CNTRL: variants seen among roughly 807,000 people sequenced by gnomAD.
CNTRL encodes the protein 110 kDa centrosomal protein.
CNTRL carries 233 observed loss-of-function variants against 303.7 expected under a neutral mutation model. The observed-to-expected ratio is 0.77, with a 90% CI of 0.69 to 0.86. The LOEUF is 0.86. Ranked by LOEUF, CNTRL falls within the 40% of genes least tolerant of loss-of-function variation. The pLI is 0.00. For missense variants in CNTRL, 2,524 were observed against 2,650.6 expected, an observed-to-expected ratio of 0.95 and a Z score of 1.05; for synonymous variants, 900 against 922.2, an observed-to-expected ratio of 0.98 and a Z score of 0.44.
chr9:121,174,642 T>G (rs1043236665), intron 42 of CNTRL, among the ~76,000 whole-genome samples: 2 of 152,070 alleles, frequency 1.3e-5, no homozygotes, highest in African/African-American at 4.8e-5. Flanking sequence ...AAACTAAGAC[T>G]TAGGAAAAAA....
intron 42 of CNTRL, 137 bp from the exon 43 acceptor site, chr9:121,174,881 C>A: frequency 2.6e-6 from 2 of 761,502 alleles, no homozygotes; most frequent in East Asian, 2.5e-5. Flanking sequence ...TCCTACAATT[C>A]TTTTTAAAGA....
intron 12 of CNTRL, among the ~76,000 whole-genome samples, chr9:121,119,670 A>G (rs2050144591): frequency 4.6e-5 from 7 of 151,020 alleles, no homozygotes; most frequent in Admixed American, 4.0e-4. Flanking sequence ...TAATTTTTGT[A>G]TTTTTGGTAG....
intron 4 of CNTRL, among the ~76,000 whole-genome samples, chr9:121,091,382 TA>T (rs2048563576): frequency 6.6e-6 from 1 of 152,168 alleles, no homozygotes; most frequent in Non-Finnish European, 1.5e-5. Flanking sequence ...AGAAATGCTA[TA>T]AAAGTATTAG....
intron 12 of CNTRL, among the ~76,000 whole-genome samples, chr9:121,121,365 C>G (rs1461463031): frequency 1.3e-5 from 2 of 152,046 alleles, no homozygotes; most frequent in Non-Finnish European, 2.9e-5. Flanking sequence ...AGAGGTGGAG[C>G]CCTTGCTTAT....
chr9:121,172,857 G>A (rs563333318), intron 40 of CNTRL, among the ~76,000 whole-genome samples: 3 of 152,258 alleles, frequency 2.0e-5, no homozygotes, highest in African/African-American at 7.2e-5. Flanking sequence ...CTGAGCAGAA[G>A]GTATTTATCT....
rs554085072 is a variant in CNTRL at position 121,086,524 on chromosome 9, A to G, written c.-31-1772A>G. 3.3e-5 allele frequency among the ~76,000 whole-genome samples: 5 copies of G among 152,218 alleles called. No individual in the cohort carries two copies. The South Asian group carries it at 8.3e-4, about 25-fold the overall frequency. On this transcript the variant is annotated intron_variant, in intron 2 of 43. Transcript: ENST00000373855. Reference sequence around the variant, plus strand: ...GAGGCCAGTGTGACTGGAGCCCACAATTGAGGGAACGAATGACAGAGGTGA... The same window carrying G: ...GAGGCCAGTGTGACTGGAGCCCACAGTTGAGGGAACGAATGACAGAGGTGA...
At chr9:121,100,588 G>A (rs1187881849) in intron 7 of CNTRL, among the ~76,000 whole-genome samples, 2 of 152,152 alleles carry the variant, frequency 1.3e-5, no homozygotes, top group Non-Finnish European at 2.9e-5. Flanking sequence ...TGGGCTAAAT[G>A]CCCCCAATTA....
chr9:121,159,156 T>C, intron 31 of CNTRL, 137 bp downstream of exon 31: 2 of 845,714 alleles, frequency 2.4e-6, no homozygotes, highest in Non-Finnish European at 1.8e-6. Context: ...CAGTTTGGTG[T>C]TGTTACATAT....
At chr9:121,140,407 G>C (rs180863704) in intron 16 of CNTRL, among the ~76,000 whole-genome samples, 51 of 152,328 alleles carry the variant, frequency 3.3e-4, no homozygotes, top group Admixed American at 2.5e-3. Context: ...GAGGACTCCA[G>C]ATGGAACAGG....
intron 12 of CNTRL, among the ~76,000 whole-genome samples, chr9:121,123,524 A>G (rs1311647276): frequency 6.6e-6 from 1 of 152,190 alleles, no homozygotes; most frequent in Non-Finnish European, 1.5e-5. Flanking sequence ...GCTTGAACCC[A>G]GGAGGCGGAG....
At chr9:121,108,211 G>T (rs944754761) in intron 8 of CNTRL, among the ~76,000 whole-genome samples, 1 of 152,160 alleles carries the variant, frequency 6.6e-6, no homozygotes, top group Non-Finnish European at 1.5e-5. Flanking sequence ...TGTACTCCTA[G>T]ATATTTGTAT....
intron 37 of CNTRL, 116 bp downstream of exon 37, chr9:121,167,793 A>T (rs2053153638): frequency 2.2e-6 from 2 of 896,666 alleles, no homozygotes; most frequent in Admixed American, 5.2e-5. Context: ...GTGTCCCTTA[A>T]CTGCCCTGTG....
Position 121,102,271 on chromosome 9 carries a change from A to G in CNTRL, c.808+3699A>G, listed in dbSNP as rs940004666. ...ATACACAAATTGATAAACATAATCCATCGTATAAACAGAACCAAAGACAAA... is the reference window on the plus strand; with the variant it reads ...ATACACAAATTGATAAACATAATCCGTCGTATAAACAGAACCAAAGACAAA... On this transcript the variant is annotated intron_variant, in intron 7 of 43. Transcript: ENST00000373855. Among the ~76,000 whole-genome samples, 3 of 152,370 alleles carry G rather than the reference A, an allele frequency of 2.0e-5. No homozygotes were observed. In the South Asian group the frequency reaches 6.2e-4, roughly 32 times the overall value.
intron 32 of CNTRL, chr9:121,161,421 A>G (rs918583229): frequency 2.7e-6 from 1 of 371,834 alleles, no homozygotes; most frequent in Non-Finnish European, 4.9e-6. Flanking sequence ...GATCAATTTT[A>G]TATAAAATGC....
intron 2 of CNTRL, among the ~76,000 whole-genome samples, chr9:121,081,755 G>T (rs2048150359): frequency 6.6e-6 from 1 of 152,230 alleles, no homozygotes; most frequent in Non-Finnish European, 1.5e-5. Flanking sequence ...CACATGTTCA[G>T]CTAATTGGAA....
Position 121,141,455 on chromosome 9 carries a change from G to T in CNTRL, c.2558G>T (p.Arg853Leu). 1.2e-6 allele frequency: 2 copies of T among 1,613,956 alleles called. No individual in the cohort carries two copies. Among genetic ancestry groups the T allele is most frequent in the Non-Finnish European group, 1.7e-6 (2 of 1,179,902 alleles). The change falls in exon 18 of 44, where the codon CGC becomes CTC. Residue 853 changes from arginine to leucine, a missense_variant. By Grantham distance (102) the Arg-to-Leu change is moderately radical (BLOSUM62 -2). Transcript: ENST00000373855. Reference sequence around the variant, plus strand: ...AAACAATTCAGTGAAATTCTTGCACGCTCCAAGTGGGAAAGAGATGAAGCA... The same window carrying T: ...AAACAATTCAGTGAAATTCTTGCACTCTCCAAGTGGGAAAGAGATGAAGCA... ...LQKQFSEILA[R>L]SKWERDEAQV...
chr9:121,114,858 A>G (rs1057180668), intron 10 of CNTRL, among the ~76,000 whole-genome samples: 1 of 152,248 alleles, frequency 6.6e-6, no homozygotes, highest in African/African-American at 2.4e-5. Flanking sequence ...GAATTTTACA[A>G]ATAAAAGGAT....
At chr9:121,171,122 C>T (rs183215651) in intron 39 of CNTRL, among the ~76,000 whole-genome samples, 1 of 152,302 alleles carries the variant, frequency 6.6e-6, no homozygotes, top group East Asian at 1.9e-4. Context: ...CTACCAGTAA[C>T]CCTGTGATGA....
At chr9:121,156,345 G>A (rs1257974658) in intron 27 of CNTRL, among the ~76,000 whole-genome samples, 1 of 152,132 alleles carries the variant, frequency 6.6e-6, no homozygotes, top group African/African-American at 2.4e-5. Flanking sequence ...GTAAGAAGGA[G>A]GAGGAGAGAG....
Sources: gnomAD v4.1 joint callset for allele counts (sites outside exome capture counted in the v4.1 genomes callset) on GRCh38, gnomAD v4.1.1 for gene constraint, MANE v1.5 for transcripts, NCBI Gene and HGNC (gene_info 2026-07-23, HGNC 2026-07-21) for gene names.